Variants in CPA6 observed in about 807,000 individuals in gnomAD.
The protein encoded by CPA6 is carboxypeptidase B.
Under a neutral mutation model 63.3 loss-of-function variants are expected in CPA6, and 58 were observed. The ratio of observed to expected loss-of-function variants is 0.92; its 90% CI spans 0.74 to 1.14. The LOEUF is 1.14. CPA6 is among the 50% of genes most tolerant of loss of function. The pLI, the probability that CPA6 is intolerant of heterozygous loss-of-function variation, is 0.00. For synonymous variants in CPA6, 185 were observed against 179.0 expected, an observed-to-expected ratio of 1.03 and a Z score of -0.27; for missense variants, 565 against 526.6, an observed-to-expected ratio of 1.07 and a Z score of -0.71.
chr8:67,530,721 G>C (rs557950421), intron 2 of CPA6, among the ~76,000 whole-genome samples: 1 of 152,276 alleles, frequency 6.6e-6, no homozygotes, highest in South Asian at 2.1e-4. Context: ...TCAAGATTTG[G>C]GGCCCAAAGT....
chr8:67,549,405 T>C (rs937379288), intron 2 of CPA6, among the ~76,000 whole-genome samples: 6 of 152,236 alleles, frequency 3.9e-5, no homozygotes, highest in African/African-American at 1.4e-4. Flanking sequence ...TATACATCTG[T>C]GAAACCATCA....
At chr8:67,473,658 A>G (rs888802914) in intron 8 of CPA6, among the ~76,000 whole-genome samples, 1 of 152,116 alleles carries the variant, frequency 6.6e-6, no homozygotes, top group Admixed American at 6.6e-5. Flanking sequence ...AGGCTGGAGT[A>G]TAGTAGTTTG....
intron 1 of CPA6, among the ~76,000 whole-genome samples, chr8:67,717,191 G>T (rs999803785): frequency 6.6e-6 from 1 of 152,166 alleles, no homozygotes; most frequent in Non-Finnish European, 1.5e-5. Context: ...GAATAGCCGG[G>T]ACTTTGAAGC....
chr8:67,650,911 G>A (rs937012812), intron 1 of CPA6, among the ~76,000 whole-genome samples: 3 of 152,118 alleles, frequency 2.0e-5, no homozygotes, highest in Non-Finnish European at 4.4e-5. Flanking sequence ...GCTCCTACAA[G>A]CCAAAGCCTT....
At chr8:67,707,793 A>G (rs1318069673) in intron 1 of CPA6, among the ~76,000 whole-genome samples, 3 of 152,094 alleles carry the variant, frequency 2.0e-5, no homozygotes, top group Non-Finnish European at 4.4e-5. Flanking sequence ...CTGTAGTCCT[A>G]GCTACTCAGG....
intron 2 of CPA6, among the ~76,000 whole-genome samples, chr8:67,540,571 G>T (rs1012794942): frequency 2.6e-5 from 4 of 152,250 alleles, no homozygotes; most frequent in African/African-American, 9.6e-5. Context: ...GAGCTGGCAG[G>T]CAGGAACGTT....
At chr8:67,667,409 C>T (rs1816254215) in intron 1 of CPA6, among the ~76,000 whole-genome samples, 1 of 152,044 alleles carries the variant, frequency 6.6e-6, no homozygotes, top group African/African-American at 2.4e-5. Flanking sequence ...AATATCAGAG[C>T]CAAAACCAGG....
At chr8:67,591,257 G>T (rs1287666739) in intron 2 of CPA6, among the ~76,000 whole-genome samples, 1 of 151,956 alleles carries the variant, frequency 6.6e-6, no homozygotes, top group Non-Finnish European at 1.5e-5. Context: ...CTCTGTTTTG[G>T]TACCAGTACC....
chr8:67,461,800 G>A (rs984192497), intron 8 of CPA6, among the ~76,000 whole-genome samples: 2 of 152,124 alleles, frequency 1.3e-5, no homozygotes, highest in African/African-American at 4.8e-5. Flanking sequence ...CGGACGGGGC[G>A]GCTGGCCGGG....
intron 2 of CPA6, among the ~76,000 whole-genome samples, chr8:67,522,960 T>A (rs1257713546): frequency 6.6e-6 from 1 of 152,238 alleles, no homozygotes; most frequent in African/African-American, 2.4e-5. Context: ...GACAAAGTGG[T>A]ACCGAAGGAA....
At chr8:67,440,289 G>A (rs550665568) in intron 8 of CPA6, among the ~76,000 whole-genome samples, 26 of 152,246 alleles carry the variant, frequency 1.7e-4, no homozygotes, top group African/African-American at 6.3e-4. Flanking sequence ...TATGTTCTGA[G>A]GCCAGGTATG....
chr8:67,581,812 A>G (rs1243347352), intron 2 of CPA6, among the ~76,000 whole-genome samples: 1 of 152,202 alleles, frequency 6.6e-6, no homozygotes, highest in Non-Finnish European at 1.5e-5. Context: ...TACAGGAATA[A>G]CTGCCAGAAT....
intron 8 of CPA6, among the ~76,000 whole-genome samples, chr8:67,475,013 C>A (rs1322996538): frequency 2.6e-5 from 4 of 151,994 alleles, no homozygotes; most frequent in Admixed American, 2.0e-4. Context: ...AACAAAAAAA[C>A]CCAAAAAACC....
intron 8 of CPA6, among the ~76,000 whole-genome samples, chr8:67,475,943 T>C (rs1201431369): frequency 7.1e-6 from 1 of 141,462 alleles, no homozygotes; most frequent in Non-Finnish European, 1.5e-5. Context: ...TCTCTTTCTT[T>C]CTCTGTCTTT....
chr8:67,458,175 G>C (rs1810719442), intron 8 of CPA6, among the ~76,000 whole-genome samples: 1 of 151,638 alleles, frequency 6.6e-6, no homozygotes, highest in Non-Finnish European at 1.5e-5. Flanking sequence ...AGAAAATCTA[G>C]ACAGTGTTAG....
chr8:67,700,781 G>A (rs1200382147), intron 1 of CPA6, among the ~76,000 whole-genome samples: 2 of 152,080 alleles, frequency 1.3e-5, no homozygotes, highest in African/African-American at 2.4e-5. Flanking sequence ...TATATTGTTA[G>A]GAGGGAAGAA....
chr8:67,452,453 T>A (rs1385453036), intron 8 of CPA6: 1 of 152,244 alleles, frequency 6.6e-6, no homozygotes, highest in African/African-American at 2.4e-5. Flanking sequence ...TGAAGGCGAA[T>A]CCAATTGTTC....
chr8:67,520,815 T>C (rs1276044135), intron 2 of CPA6, among the ~76,000 whole-genome samples: 1 of 152,246 alleles, frequency 6.6e-6, no homozygotes, highest in Non-Finnish European at 1.5e-5. Context: ...ACCCAGTTCA[T>C]GTCTTCAGGA....
chr8:67,465,442 A>G (rs1265926583), intron 8 of CPA6, among the ~76,000 whole-genome samples: 1 of 152,184 alleles, frequency 6.6e-6, no homozygotes, highest in African/African-American at 2.4e-5. Context: ...CATTATTTGT[A>G]AAGAGAGCTA....
Sources: allele counts gnomAD v4.1 joint callset (sites outside exome capture counted in the v4.1 genomes callset), GRCh38; gene constraint gnomAD v4.1.1; transcripts MANE v1.5; gene names NCBI Gene and HGNC (gene_info 2026-07-23, HGNC 2026-07-21).